The following CACNB1 variants were observed in gnomAD, a reference collection of about 807,000 sequenced individuals.
CACNB1 encodes calcium voltage-gated channel auxiliary subunit beta 1, also known as voltage-dependent L-type calcium channel subunit beta-1.
A neutral mutation model predicts 71.6 loss-of-function variants in CACNB1; 29 were observed. That is an observed-to-expected ratio of 0.40 (90% CI 0.30 to 0.55). The LOEUF (loss-of-function observed/expected upper bound fraction) is 0.55, where lower values mean the gene tolerates loss of function less well. CACNB1 is among the 20% of genes least tolerant of loss of function. The pLI is 0.38. For missense variants in CACNB1, 623 were observed against 801.8 expected (o/e 0.78, Z 2.69); for synonymous variants, 300 against 319.6 (o/e 0.94, Z 0.65).
chr17:39,187,087 G>A (rs117927662), intron 4 of CACNB1, 158 bp from the exon 5 acceptor site: 89 of 732,444 alleles, frequency 1.2e-4, no homozygotes, highest in Admixed American at 2.4e-4. Context: ...GAGTGGAGCT[G>A]CCAATTCTCA....
chr17:39,197,542 C>G lies in CACNB1; in HGVS notation c.-47G>C. ...CCGCCGGCCCGGCCCAGCCGGGCTC[C>G]CTCAGCGCATGGGAGAGGCCGTGGG... On this transcript the variant is annotated 5_prime_UTR_variant, in exon 1 of 14. Transcript: ENST00000394303. 1.1e-5 allele frequency: 15 copies of G among 1,416,112 alleles called. No individual in the cohort carries two copies. Among genetic ancestry groups the G allele is most frequent in the Non-Finnish European group, 1.3e-5 (14 of 1,059,300 alleles). The allele number at this position is 1,416,112 out of a possible 1,614,324, so 87.7% of individuals were successfully genotyped here.
chr17:39,193,030 C>A, intron 2 of CACNB1: 1 of 162,038 alleles, frequency 6.2e-6, no homozygotes, highest in Non-Finnish European at 1.4e-5. Flanking sequence ...AGGCACTCAC[C>A]GACCCCAACA....
At chr17:39,187,003 G>A (rs956848013) in intron 4 of CACNB1, 74 bp from the exon 5 acceptor site, 3 of 1,538,714 alleles carry the variant, frequency 1.9e-6, no homozygotes, top group Non-Finnish European at 2.7e-6. Flanking sequence ...TCACTCTCTA[G>A]GGGAAACGCC....
At chr17:39,182,058 G>A (rs1220790690) in intron 11 of CACNB1, among the ~76,000 whole-genome samples, 3 of 152,136 alleles carry the variant, frequency 2.0e-5, no homozygotes, top group African/African-American at 7.2e-5. Context: ...CTACTCAGGA[G>A]GATGAGGCAG....
Position 39,186,535 on chromosome 17 carries a change from C to A in CACNB1, c.589G>T (p.Val197Leu). Residue 197 changes from valine to leucine, a missense_variant, in exon 6 of 14, where the codon GTG becomes TTG. By Grantham distance (32) the Val-to-Leu change is conservative. Coordinates refer to ENST00000394303, the MANE Select transcript of CACNB1 (RefSeq NM_000723.5). This position sits in a 1 kb window ranked among gnomAD's most constrained non-coding sequence, Gnocchi z 4.1. ...GTGGGGCGGCGGGTGCCAGTCACCA[C>A]ATCTCCCAGACTGGAACTGGAGTTA... ...GDNSSSSLGD[V>L]VTGTRRPTPP... 6.2e-7 allele frequency: 1 copy of A among 1,613,768 alleles called. No individual in the cohort carries two copies. Among genetic ancestry groups the A allele is most frequent in the East Asian group, 2.2e-5 (1 of 44,882 alleles).
intron 13 of CACNB1, 180 bp downstream of exon 13, chr17:39,177,170 C>T (rs1695815286): frequency 1.4e-6 from 2 of 1,441,912 alleles, no homozygotes; most frequent in African/African-American, 1.4e-5. Flanking sequence ...AAATAAAGCT[C>T]TTCCCTTCCT....
chr17:39,180,271 A>AG (rs2144101153), intron 11 of CACNB1, among the ~76,000 whole-genome samples: 1 of 152,148 alleles, frequency 6.6e-6, no homozygotes, highest in Non-Finnish European at 1.5e-5. Context: ...TCAAAAAAAA[A>AG]AAAAACCAAA....
At chr17:39,190,576 C>T (rs1254287058) in intron 3 of CACNB1, among the ~76,000 whole-genome samples, 1 of 151,840 alleles carries the variant, frequency 6.6e-6, no homozygotes, top group African/African-American at 2.4e-5. Flanking sequence ...TACAGGCGTA[C>T]ACCACCACAC....
chr17:39,193,233 GAC>G (rs2046126827), intron 2 of CACNB1: 2 of 297,388 alleles, frequency 6.7e-6, no homozygotes, highest in South Asian at 2.6e-5. Context: ...CACATATGCA[GAC>G]ACACAGGTGC....
Position 39,187,524 on chromosome 17 carries a change from T to G in CACNB1, c.369A>C (p.Gly123=). ...PSPGDEVPVQ[G]VAITFEPKDF... is the part of the protein sequence containing the mutation. ...CTTTGGGCTCGAAGGTGATGGCCAC[T>G]CCCTGCACAGGCACCTCATCCCCTG... The change falls in exon 4 of 14, where the codon GGA becomes GGC. Residue 123 remains glycine, a synonymous_variant. Transcript: ENST00000394303. The G allele has an allele frequency of 6.2e-7, 1 of 1,614,090 alleles. No homozygotes were observed. The highest frequency in any genetic ancestry group is 1.3e-5 in the African/African-American group (1 of 75,012).
intron 11 of CACNB1, among the ~76,000 whole-genome samples, chr17:39,179,921 C>T (rs560670811): frequency 6.7e-6 from 1 of 150,150 alleles, no homozygotes; most frequent in South Asian, 2.1e-4. Flanking sequence ...AAACAACAGG[C>T]AACAAGTGAT....
In CACNB1 at chr17:39,186,082, GGC is replaced by G; in HGVS notation, c.628+412_628+413del. The stretch of plus-strand genomic sequence containing the variant: ...CTAACTCTAGGGGGTCTAGTTCAAA[GGC>G]TAAGTTAGTCATTTCATTACCTGGA... On this transcript the variant is annotated intron_variant, in intron 6 of 13. Transcript: ENST00000394303. The surrounding 1 kb of genome is among the most constrained non-coding windows in gnomAD (Gnocchi z 4.1). 1 of 1,613,972 alleles carries G rather than the reference GGC, an allele frequency of 6.2e-7. No homozygotes were observed. The highest frequency in any genetic ancestry group is 8.5e-7 in the Non-Finnish European group (1 of 1,179,900).
At position 39,177,844 on chromosome 17, in the gene CACNB1, G is replaced by A. The variant is rs537120230; in HGVS notation, c.1146+140C>T. The A allele has an allele frequency of 1.6e-4, 115 of 715,154 alleles. No homozygotes were observed. The African/African-American group carries it at 1.8e-3, about 11-fold the overall frequency. 44.3% of individuals were successfully genotyped at this position (715,154 alleles called of 1,614,324 possible). A position where few individuals can be genotyped will look rare whatever the true frequency, so the allele number is the denominator to read the frequency against. On this transcript the variant is annotated intron_variant, in intron 12 of 13. Transcript: ENST00000394303. The stretch of plus-strand genomic sequence containing the variant: ...CCAGTCTTTGACTGACGGGACCTGC[G>A]CTCTTCCCAGAAGACCAGTCTGCAC...
intron 3 of CACNB1, among the ~76,000 whole-genome samples, chr17:39,190,440 T>A (rs930301098): frequency 3.9e-5 from 6 of 152,094 alleles, no homozygotes; most frequent in Non-Finnish European, 7.4e-5. Flanking sequence ...TATTATTATG[T>A]TTTTTGAGAC....
rs1277570152 is a variant in CACNB1, at chr17:39,175,212, C to T, written c.1778G>A (p.Arg593Gln). The change falls in exon 14 of 14, where the codon CGA (arginine) becomes CAA (glutamine). Residue 593 changes from arginine (R) to glutamine (Q), a missense_variant. By Grantham distance (43) the Arg-to-Gln change is conservative. Coordinates refer to ENST00000394303, the MANE Select transcript of CACNB1 (RefSeq NM_000723.5). The surrounding 1 kb of genome is among the most constrained non-coding windows in gnomAD (Gnocchi z 4.7). ...TGCCTCTCAGCGAATGTAGACGCCT[C>T]GTCCCCAGCCCTCCAGCTCATTCTT... Reference protein sequence around the residue: ...RNKNELEGWGRGVYIR With the variant: ...RNKNELEGWGQGVYIR 2.5e-6 allele frequency: 4 copies of T among 1,612,392 alleles called. No individual in the cohort carries two copies. The highest frequency in any genetic ancestry group is 3.4e-6 in the Non-Finnish European group (4 of 1,178,982).
intron 11 of CACNB1, chr17:39,182,761 T>C (rs1019869298): frequency 6.6e-6 from 1 of 151,684 alleles, no homozygotes; most frequent in African/African-American, 2.4e-5. Context: ...GAGAGTATAC[T>C]GGGCTCCTTA....
intron 11 of CACNB1, 87 bp downstream of exon 11, chr17:39,183,626 A>G (rs993047826): frequency 5.6e-6 from 6 of 1,067,350 alleles, no homozygotes; most frequent in Admixed American, 2.8e-5. Context: ...TAATTCACGT[A>G]ATTAGTAAGC....
intron 11 of CACNB1, among the ~76,000 whole-genome samples, chr17:39,181,045 C>A (rs1302988565): frequency 6.6e-6 from 1 of 152,158 alleles, no homozygotes; most frequent in Non-Finnish European, 1.5e-5. Context: ...AATCTTCTTA[C>A]AAAATGGAAC....
At chr17:39,188,075 G>C (rs9898756) in intron 3 of CACNB1, among the ~76,000 whole-genome samples, 1 of 72,928 alleles carries the variant, frequency 1.4e-5, no homozygotes, top group Non-Finnish European at 2.5e-5. Flanking sequence ...CAGGTGGATC[G>C]TTTGAGACCA....
Sources: gnomAD v4.1 joint callset for allele counts (sites outside exome capture counted in the v4.1 genomes callset) on GRCh38, gnomAD v4.1.1 for gene constraint, Gnocchi (gnomAD v3.1) non-coding constraint, MANE v1.5 for transcripts, NCBI Gene and HGNC (gene_info 2026-07-23, HGNC 2026-07-21) for gene names.